Variants in CDH2 observed in about 807,000 individuals in gnomAD.
The protein encoded by CDH2 is cadherin 2.
Under a neutral mutation model 92.0 loss-of-function variants are expected in CDH2, and 17 were observed. That is an observed-to-expected ratio of 0.18 (90% CI 0.13 to 0.28). The LOEUF (loss-of-function observed/expected upper bound fraction) is 0.28. Among genes scored for constraint, CDH2 ranks in the 10% least tolerant of loss-of-function variants. The pLI, the probability that CDH2 is intolerant of heterozygous loss-of-function variation, is 1.00. For synonymous variants in CDH2, 419 were observed against 415.9 expected, an observed-to-expected ratio of 1.01 and a Z score of -0.09; for missense variants, 862 against 1,133.1, an observed-to-expected ratio of 0.76 and a Z score of 3.44.
At chr18:28,037,614 G>A (rs781626028) in intron 2 of CDH2, among the ~76,000 whole-genome samples, 2 of 152,074 alleles carry the variant, frequency 1.3e-5, no homozygotes, top group Admixed American at 1.3e-4. Flanking sequence ...AAGAAAGGAG[G>A]CAATGACACC....
At chr18:28,006,133 T>G in intron 5 of CDH2, 140 bp from the exon 6 acceptor site, 4 of 632,080 alleles carry the variant, frequency 6.3e-6, no homozygotes, top group Non-Finnish European at 1.1e-5. Flanking sequence ...AAAATTTAAG[T>G]TACACCAAGT....
chr18:28,036,209 G>C (rs1342324174), intron 2 of CDH2, among the ~76,000 whole-genome samples: 1 of 152,048 alleles, frequency 6.6e-6, no homozygotes, highest in African/African-American at 2.4e-5. Context: ...TACAACTCTA[G>C]AGAAGACAAG....
intron 2 of CDH2, among the ~76,000 whole-genome samples, chr18:28,038,600 C>T (rs1203149034): frequency 6.6e-6 from 1 of 151,934 alleles, no homozygotes; most frequent in Non-Finnish European, 1.5e-5. Context: ...GTTGAAGTCC[C>T]AGGAATCAAG....
intron 2 of CDH2, among the ~76,000 whole-genome samples, chr18:28,144,352 A>T (rs1457484026): frequency 7.1e-6 from 1 of 140,804 alleles, no homozygotes; most frequent in African/African-American, 3.0e-5. Flanking sequence ...TATATATGCC[A>T]CGGGATAAAA....
intron 2 of CDH2, among the ~76,000 whole-genome samples, chr18:28,087,248 T>A (rs1304623127): frequency 6.6e-6 from 1 of 152,198 alleles, no homozygotes; most frequent in East Asian, 1.9e-4. Flanking sequence ...CACAAAGGGC[T>A]GTGCATCTGT....
chr18:27,959,996 C>T (rs886947597), intron 15 of CDH2, among the ~76,000 whole-genome samples: 1 of 146,642 alleles, frequency 6.8e-6, no homozygotes, highest in Non-Finnish European at 1.5e-5. Context: ...GCCTGAGCAA[C>T]AGAGAGAGAC....
intron 11 of CDH2, 95 bp downstream of exon 11, chr18:27,988,429 G>A: frequency 9.5e-7 from 1 of 1,056,262 alleles, no homozygotes; most frequent in Non-Finnish European, 1.4e-6. Context: ...CAGTTTTCCA[G>A]GCAATTGAGT....
At chr18:28,099,038 G>A (rs1415034506) in intron 2 of CDH2, among the ~76,000 whole-genome samples, 2 of 152,078 alleles carry the variant, frequency 1.3e-5, no homozygotes, top group African/African-American at 4.8e-5. Flanking sequence ...AAGTAAGTGT[G>A]TTACAGGTAA....
chr18:28,041,558 G>GA (rs1243452867), intron 2 of CDH2, among the ~76,000 whole-genome samples: 2 of 152,238 alleles, frequency 1.3e-5, no homozygotes, highest in East Asian at 3.9e-4. Flanking sequence ...ATGACAACAG[G>GA]AAAAAATGCC....
intron 1 of CDH2, 118 bp from the exon 2 acceptor site, chr18:28,147,902 T>C (rs951375933): frequency 1.3e-4 from 80 of 619,816 alleles, no homozygotes; most frequent in Non-Finnish European, 1.9e-4. Flanking sequence ...AACAACCCCT[T>C]TGTTTCCAAG....
intron 2 of CDH2, among the ~76,000 whole-genome samples, chr18:28,020,432 C>T (rs2013378451): frequency 6.6e-6 from 1 of 151,864 alleles, no homozygotes; most frequent in South Asian, 2.1e-4. Context: ...TTTAAATTAG[C>T]TTCAAAAATT....
intron 2 of CDH2, among the ~76,000 whole-genome samples, chr18:28,124,517 C>T (rs1387317985): frequency 6.6e-6 from 1 of 152,012 alleles, no homozygotes; most frequent in African/African-American, 2.4e-5. Flanking sequence ...AAAAGAAAGC[C>T]TAGTTGTTTT....
At chr18:28,058,620 T>G (rs1177356054) in intron 2 of CDH2, among the ~76,000 whole-genome samples, 4 of 152,236 alleles carry the variant, frequency 2.6e-5, no homozygotes, top group African/African-American at 9.6e-5. Context: ...TGTTTATGCC[T>G]ACTTTTTTCA....
At chr18:27,987,909 G>T (rs1351942508) in intron 11 of CDH2, among the ~76,000 whole-genome samples, 2 of 152,082 alleles carry the variant, frequency 1.3e-5, no homozygotes, top group Admixed American at 6.6e-5. Flanking sequence ...ATCGTACTGA[G>T]AGCTAACGAA....
intron 6 of CDH2, among the ~76,000 whole-genome samples, chr18:27,944,704 C>A (rs904059699): frequency 7.0e-6 from 1 of 142,638 alleles, no homozygotes; most frequent in Admixed American, 7.3e-5. Context: ...AGGATCACTT[C>A]AGGCTAGGAG....
chr18:27,986,395 G>A (rs879311223), intron 11 of CDH2, among the ~76,000 whole-genome samples: 1 of 152,076 alleles, frequency 6.6e-6, no homozygotes, highest in Non-Finnish European at 1.5e-5. Context: ...ATGAACCTGA[G>A]TCTGTAAACT....
At chr18:27,979,825 G>A (rs2011983361) in intron 14 of CDH2, among the ~76,000 whole-genome samples, 2 of 152,192 alleles carry the variant, frequency 1.3e-5, no homozygotes, top group Admixed American at 1.3e-4. Context: ...ACCTGTTTGT[G>A]GGTATAAGGG....
At chr18:27,933,049 T>C (rs1000773688) in exon 7 of CDH2, among the ~76,000 whole-genome samples, 1 of 152,132 alleles carries the variant, frequency 6.6e-6, no homozygotes, top group Admixed American at 6.6e-5. Flanking sequence ...AAGGCAGGCA[T>C]GATAGATGCA....
intron 1 of CDH2, among the ~76,000 whole-genome samples, chr18:28,168,887 T>C (rs1000026839): frequency 8.5e-5 from 13 of 152,066 alleles, no homozygotes; most frequent in African/African-American, 3.1e-4. Context: ...CTGGGTATTA[T>C]ACAAAAAGGG....
Sources: gnomAD v4.1 joint callset for allele counts (sites outside exome capture counted in the v4.1 genomes callset) on GRCh38, gnomAD v4.1.1 for gene constraint, MANE v1.5 for transcripts, NCBI Gene and HGNC (gene_info 2026-07-23, HGNC 2026-07-21) for gene names.